The following KRT28 variants were observed in gnomAD, a reference collection of about 807,000 sequenced individuals.
KRT28 encodes the protein keratin, type I cytoskeletal 28.
In KRT28, 45 loss-of-function variants were observed where a neutral mutation model predicts 48.1. That is an observed-to-expected ratio of 0.94 (90% CI 0.74 to 1.20). The LOEUF (loss-of-function observed/expected upper bound fraction) is 1.20. Ranked by LOEUF, KRT28 falls within the 50% of genes most tolerant of loss-of-function variation. The pLI, the probability that KRT28 is intolerant of heterozygous loss-of-function variation, is 0.00. For synonymous variants in KRT28, 228 were observed against 227.4 expected, an observed-to-expected ratio of 1.00 and a Z score of -0.03; for missense variants, 571 against 574.1, an observed-to-expected ratio of 0.99 and a Z score of 0.06.
At chr17:40,798,478 A>G in intron 2 of KRT28, 87 bp from the exon 3 acceptor site, 3 of 1,414,822 alleles carry the variant, frequency 2.1e-6, no homozygotes, top group Non-Finnish European at 2.9e-6. Context: ...TAAACTGAAA[A>G]TTAGAAATTG....
chr17:40,798,804 C>A, intron 2 of KRT28, 113 bp downstream of exon 2: 1 of 697,592 alleles, frequency 1.4e-6, no homozygotes, highest in South Asian at 1.8e-5. Context: ...CCTTTGCTTC[C>A]TTTTATCTTT....
chr17:40,799,738 G>T lies in KRT28; in HGVS notation c.156C>A (p.Gly52=), dbSNP rs147413772. Residue 52 remains glycine, a synonymous_variant, in exon 1 of 8, where the codon GGC becomes GGA. Transcript: ENST00000306658. ...GSEFSCALGG[G]LGSVPGGSHA... is the part of the protein sequence containing the mutation. ...GGCTCCCACCAGGAACACTGCCCAA[G>T]CCCCCTCCCAAGGCACAGGAAAATT... The T allele has an allele frequency of 2.5e-6, 4 of 1,613,718 alleles. No individual in the cohort carries two copies. The African/African-American group carries it at 5.3e-5, about 22-fold the overall frequency.
Position 40,793,823 on chromosome 17 carries a change from A to G in KRT28, c.1196+6T>C. 1 of 1,613,826 alleles carries G rather than the reference A, an allele frequency of 6.2e-7. No homozygotes were observed. Among genetic ancestry groups the G allele is most frequent in the Non-Finnish European group, 8.5e-7 (1 of 1,179,700 alleles). On this transcript the variant is annotated splice_donor_region_variant and intron_variant, in intron 6 of 7. Coordinates refer to ENST00000306658, the MANE Select transcript of KRT28 (RefSeq NM_181535.3). ...AAAAACTGGATTTTCAAATGGCTTT[A>G]CTTACTTTCCATCTCCATCTATCAG...
rs1375537239 is a variant in KRT28 at position 40,796,997 on chromosome 17, G to A, written c.897C>T (p.Ala299=). 3 of 1,612,982 alleles carry A rather than the reference G, an allele frequency of 1.9e-6. No homozygotes were observed. In the African/African-American group the frequency reaches 4.0e-5, roughly 22 times the overall value. The change falls in exon 5 of 8, where the codon GCC becomes GCT. Residue 299 remains alanine, a synonymous_variant. Transcript: ENST00000306658. ...CGGTGAGCTGGCTCCGGGCGAAAGTGGCTGCGCCTGAGTCGTGGGAGATCT... is the reference window on the plus strand; with the variant it reads ...CGGTGAGCTGGCTCCGGGCGAAAGTAGCTGCGCCTGAGTCGTGGGAGATCT... The part of the protein sequence containing the change: ...QQQISHDSGA[A]TFARSQLTEM...
chr17:40,792,361 T>C lies in KRT28; in HGVS notation c.*66A>G. On this transcript the variant is annotated 3_prime_UTR_variant, in exon 8 of 8. Transcript: ENST00000306658. ...AAGTAAAAAGTGTGTATATTCTCTC[T>C]GATATTTAGAATAATGCAATTGTAC... 7.5e-7 allele frequency: 1 copy of C among 1,338,876 alleles called. No homozygotes were observed. The highest frequency in any genetic ancestry group is 1.0e-6 in the Non-Finnish European group (1 of 977,320). The allele number at this position is 1,338,876 out of a possible 1,614,324, so 82.9% of individuals were successfully genotyped here.
Position 40,797,108 on chromosome 17 carries a change from G to C in KRT28, c.852+12C>G, listed in dbSNP as rs901346203. ...CGGGGAGGTGTGAGCAGGGAGACGGGGCCCACCTCACCTTCTCATTGAACC... is the reference window on the plus strand; with the variant it reads ...CGGGGAGGTGTGAGCAGGGAGACGGCGCCCACCTCACCTTCTCATTGAACC... On this transcript the variant is annotated intron_variant, in intron 4 of 7. Coordinates refer to ENST00000306658, the MANE Select transcript of KRT28 (RefSeq NM_181535.3). The C allele has an allele frequency of 3.7e-6, 6 of 1,613,186 alleles. No individual in the cohort carries two copies. Among genetic ancestry groups the C allele is most frequent in the Non-Finnish European group, 1.7e-6 (2 of 1,179,428 alleles).
intron 3 of KRT28, 123 bp from the exon 4 acceptor site, chr17:40,797,404 AT>A: frequency 1.1e-6 from 1 of 875,284 alleles, no homozygotes; most frequent in Non-Finnish European, 1.8e-6. Context: ...ATGGCACACA[AT>A]TTTTTAATTG....
At chr17:40,799,289 T>A (rs1904692449) in intron 1 of KRT28, among the ~76,000 whole-genome samples, 155 bp downstream of exon 1, 1 of 152,124 alleles carries the variant, frequency 6.6e-6, no homozygotes, top group African/African-American at 2.4e-5. Context: ...AATTCATGAA[T>A]CAAAGGGCCC....
intron 7 of KRT28, 108 bp from the exon 8 acceptor site, chr17:40,792,677 G>A: frequency 1.3e-6 from 1 of 782,228 alleles, no homozygotes; most frequent in Non-Finnish European, 1.9e-6. Context: ...GAGGGAGTAA[G>A]TATATATTTA....
rs1414340342 is a variant in KRT28 at position 40,799,496 on chromosome 17, A to G, written c.398T>C (p.Leu133Pro). ...GTGATATCTGCTATAGTCATGATCAAGTCCACGGCAAGATCCAGGTCCGTA... is the reference window on the plus strand; with the variant it reads ...GTGATATCTGCTATAGTCATGATCAGGTCCACGGCAAGATCCAGGTCCGTA... ...EKYGPGSCRG[L>P]DHDYSRYHLT... Residue 133 changes from leucine to proline, a missense_variant, in exon 1 of 8, where the codon CTT becomes CCT. Transcript: ENST00000306658. The G allele has an allele frequency of 6.2e-7, 1 of 1,614,020 alleles. No homozygotes were observed. The highest frequency in any genetic ancestry group is 8.5e-7 in the Non-Finnish European group (1 of 1,180,038).
chr17:40,792,831 G>T (rs1035831318), intron 7 of KRT28, among the ~76,000 whole-genome samples: 1 of 152,154 alleles, frequency 6.6e-6, no homozygotes. Context: ...AGAACTAGAG[G>T]GCTCATGCTT....
At chr17:40,794,151 A>G in intron 5 of KRT28, 105 bp from the exon 6 acceptor site, 1 of 1,337,258 alleles carries the variant, frequency 7.5e-7, no homozygotes. Flanking sequence ...CAATTGTGGA[A>G]ATTTGTGAGG....
Position 40,799,936 on chromosome 17 carries a change from T to C in KRT28, c.-43A>G, listed in dbSNP as rs2143082964. Reference sequence around the variant, plus strand: ...TCACCTTGTCTATGCAAAACTGTAATGTCCCAAGAGAACAGAATATCATGC... The same window carrying C: ...TCACCTTGTCTATGCAAAACTGTAACGTCCCAAGAGAACAGAATATCATGC... On this transcript the variant is annotated 5_prime_UTR_variant, in exon 1 of 8. Coordinates refer to ENST00000306658, the MANE Select transcript of KRT28 (RefSeq NM_181535.3). The C allele has an allele frequency of 1.4e-6, 2 of 1,430,004 alleles. No individual in the cohort carries two copies. Among genetic ancestry groups the C allele is most frequent in the Admixed American group, 1.7e-5 (1 of 57,806 alleles). The allele number at this position is 1,430,004 out of a possible 1,614,324, so 88.6% of individuals were successfully genotyped here. A position where few individuals can be genotyped will look rare whatever the true frequency, so the allele number is the denominator to read the frequency against.
chr17:40,794,453 C>T lies in KRT28; in HGVS notation c.979-407G>A, dbSNP rs933754983. On this transcript the variant is annotated intron_variant, in intron 5 of 7. Transcript: ENST00000306658. ...TTCCATCTTACTCTGCTACTGTCCCCGCAGATCCACTCCGCTAGTGTTCCA... is the reference window on the plus strand; with the variant it reads ...TTCCATCTTACTCTGCTACTGTCCCTGCAGATCCACTCCGCTAGTGTTCCA... 2.6e-5 allele frequency among the ~76,000 whole-genome samples: 4 copies of T among 152,124 alleles called. No individual in the cohort carries two copies. The South Asian group carries it at 6.2e-4, about 24-fold the overall frequency.
At chr17:40,793,261 C>T in intron 6 of KRT28, 51 bp from the exon 7 acceptor site, 1 of 1,158,818 alleles carries the variant, frequency 8.6e-7, no homozygotes. Flanking sequence ...ACTATCGCTT[C>T]AGAAATATTC....
At position 40,798,392 on chromosome 17, in the gene KRT28, C is replaced by T; in HGVS notation, c.534-1G>A. On this transcript the variant is annotated splice_acceptor_variant, in intron 2 of 7. Transcript: ENST00000306658. LOFTEE classifies it high-confidence loss of function. ...GTGAAGGGTGAGCTCATTTTCATACCTTGGGGGGCATTTAAGTGAATTTCA... is the reference window on the plus strand; with the variant it reads ...GTGAAGGGTGAGCTCATTTTCATACTTTGGGGGGCATTTAAGTGAATTTCA... The T allele has an allele frequency of 5.6e-6, 9 of 1,596,854 alleles. No individual in the cohort carries two copies. The highest frequency in any genetic ancestry group is 7.7e-6 in the Non-Finnish European group (9 of 1,168,544).
Position 40,796,962 on chromosome 17 carries a change from C to A in KRT28, c.932G>T (p.Arg311Leu), listed in dbSNP as rs563140244. Reference protein sequence around the residue: ...FARSQLTEMRRTLQTLEIQLQ... With the variant: ...FARSQLTEMRLTLQTLEIQLQ... ...CTGGATCTCCAGGGTCTGCAGGGTG[C>A]GCCTCATCTCGGTGAGCTGGCTCCG... The change falls in exon 5 of 8, where the codon CGC becomes CTC. Residue 311 changes from arginine to leucine, a missense_variant. Physicochemically the swap from Arg to Leu is moderately radical, Grantham distance 102. Coordinates refer to ENST00000306658, the MANE Select transcript of KRT28 (RefSeq NM_181535.3). 71 of 1,612,520 alleles carry A rather than the reference C, an allele frequency of 4.4e-5. 1 individual carries two copies. The South Asian group carries it at 7.5e-4, about 17-fold the overall frequency.
At chr17:40,799,193 T>G (rs988116411) in intron 1 of KRT28, among the ~76,000 whole-genome samples, 194 bp from the exon 2 acceptor site, 2 of 152,216 alleles carry the variant, frequency 1.3e-5, no homozygotes, top group African/African-American at 4.8e-5. Flanking sequence ...TCCCCTAAAT[T>G]TAGAACTACA....
In KRT28 at chr17:40,799,697, AG is replaced by A; in HGVS notation, c.196del (p.Gly67GlufsTer22). The A allele has an allele frequency of 6.2e-7, 1 of 1,614,046 alleles. No individual in the cohort carries two copies. The highest frequency in any genetic ancestry group is 8.5e-7 in the Non-Finnish European group (1 of 1,180,010). On this transcript the variant is annotated frameshift_variant, in exon 1 of 8. Coordinates refer to ENST00000306658, the MANE Select transcript of KRT28 (RefSeq NM_181535.3). LOFTEE classifies it high-confidence loss of function. ...VPGGSHAGGA[L>X]GNAACIGFAG... ...AAAGCCAATACAAGCAGCATTTCCA[AG>A]GGCACCACCAGCATGGCTCCCACCA...
Sources: gnomAD v4.1 joint callset for allele counts (sites outside exome capture counted in the v4.1 genomes callset) on GRCh38, gnomAD v4.1.1 for gene constraint, MANE v1.5 for transcripts, NCBI Gene and HGNC (gene_info 2026-07-23, HGNC 2026-07-21) for gene names.